PRKG1: variants seen among roughly 807,000 people sequenced by gnomAD.
The protein encoded by PRKG1 is protein kinase cGMP-dependent 1.
PRKG1 carries 35 observed loss-of-function variants against 88.1 expected under a neutral mutation model. That is an observed-to-expected ratio of 0.40 (90% CI 0.30 to 0.53). PRKG1 has a LOEUF of 0.53. Ranked by LOEUF, PRKG1 falls within the 20% of genes least tolerant of loss-of-function variation. The pLI is 0.59. For synonymous variants in PRKG1, 303 were observed against 292.5 expected (o/e 1.04, Z -0.37); for missense variants, 540 against 839.8 (o/e 0.64, Z 4.41).
At chr10:51,411,102 C>A (rs547393148) in intron 2 of PRKG1, among the ~76,000 whole-genome samples, 1 of 152,120 alleles carries the variant, frequency 6.6e-6, no homozygotes, top group Admixed American at 6.5e-5. Flanking sequence ...CAAGTTCAAG[C>A]GATTCTCCTG....
chr10:50,993,365 A>G (rs1842801413), intron 1 of PRKG1, among the ~76,000 whole-genome samples: 1 of 152,214 alleles, frequency 6.6e-6, no homozygotes, highest in Non-Finnish European at 1.5e-5. Flanking sequence ...CTTTGGGCCC[A>G]TCTTGCCTTG....
chr10:52,073,949 T>C (rs1199428613), intron 7 of PRKG1, among the ~76,000 whole-genome samples: 2 of 152,220 alleles, frequency 1.3e-5, no homozygotes, highest in Non-Finnish European at 2.9e-5. Context: ...ATCAAGATTA[T>C]TTAATAAACA....
intron 3 of PRKG1, among the ~76,000 whole-genome samples, chr10:51,708,957 A>C (rs1176249247): frequency 5.9e-5 from 9 of 152,158 alleles, no homozygotes; most frequent in Non-Finnish European, 1.0e-4. Context: ...AATTCCAAAA[A>C]TACTTTGGTG....
intron 3 of PRKG1, among the ~76,000 whole-genome samples, chr10:51,584,764 C>T (rs1838129256): frequency 6.6e-6 from 1 of 151,992 alleles, no homozygotes; most frequent in Non-Finnish European, 1.5e-5. Context: ...AAAATTGAGG[C>T]TCAGAGAAGG....
At chr10:52,027,099 A>G (rs1052807024) in intron 5 of PRKG1, among the ~76,000 whole-genome samples, 5 of 152,186 alleles carry the variant, frequency 3.3e-5, no homozygotes, top group East Asian at 3.8e-4. Context: ...CTATAACTCA[A>G]TCCATGGGAA....
intron 2 of PRKG1, among the ~76,000 whole-genome samples, chr10:51,168,683 G>T (rs1467914487): frequency 6.6e-6 from 1 of 152,050 alleles, no homozygotes; most frequent in Non-Finnish European, 1.5e-5. Context: ...TTAGTTTAAG[G>T]TTCAACATAT....
intron 9 of PRKG1, among the ~76,000 whole-genome samples, chr10:52,197,020 G>A (rs1183836073): frequency 2.0e-5 from 3 of 152,126 alleles, no homozygotes; most frequent in Non-Finnish European, 4.4e-5. Flanking sequence ...AAATGTGATG[G>A]AGATGCTCAC....
intron 17 of PRKG1, among the ~76,000 whole-genome samples, chr10:52,293,425 T>A (rs11001485): frequency 7.2e-5 from 11 of 151,912 alleles, no homozygotes; most frequent in Non-Finnish European, 1.5e-4. Flanking sequence ...AAAGTTCATA[T>A]GGAACCAAAA....
rs76802327 is a variant in PRKG1 at position 51,682,405 on chromosome 10, T to A, written c.593-122180T>A. On this transcript the variant is annotated intron_variant, in intron 3 of 17. Transcript: ENST00000373980. ...ATGCCTCCTTCTCTGGTAACAAATCTTCCTTGGAGTGTCTCTTTCCTCTTC... is the reference window on the plus strand; with the variant it reads ...ATGCCTCCTTCTCTGGTAACAAATCATCCTTGGAGTGTCTCTTTCCTCTTC... 4.0e-3 allele frequency among the ~76,000 whole-genome samples: 616 copies of A among 152,316 alleles called. 5 individuals carry two copies. The highest frequency in any genetic ancestry group is 6.9e-3 in the Non-Finnish European group (472 of 68,034).
chr10:51,034,671 TATATATATATATATA>T (rs1843330647), intron 1 of PRKG1, among the ~76,000 whole-genome samples: 102 of 44,414 alleles, frequency 2.3e-3, no homozygotes, highest in African/African-American at 2.9e-3. Context: ...ATGTTATTTA[TATATATATATATATA>T]TATATATATA....
intron 2 of PRKG1, among the ~76,000 whole-genome samples, chr10:51,266,318 T>C (rs887760985): frequency 1.3e-5 from 2 of 152,136 alleles, no homozygotes; most frequent in African/African-American, 4.8e-5. Context: ...ATGGGATTGA[T>C]TGAAAGGAGT....
chr10:51,895,485 A>G (rs1264009044), intron 4 of PRKG1, among the ~76,000 whole-genome samples: 1 of 151,888 alleles, frequency 6.6e-6, no homozygotes, highest in Non-Finnish European at 1.5e-5. Flanking sequence ...ATTTTGCCCA[A>G]CCCATGTCTG....
At chr10:51,049,111 C>A (rs564133278) in intron 1 of PRKG1, among the ~76,000 whole-genome samples, 1 of 152,300 alleles carries the variant, frequency 6.6e-6, no homozygotes, top group East Asian at 1.9e-4. Context: ...GCGTCCCACA[C>A]CGGCAATTAA....
At chr10:51,339,427 C>A (rs950602441) in intron 2 of PRKG1, among the ~76,000 whole-genome samples, 1 of 151,936 alleles carries the variant, frequency 6.6e-6, no homozygotes, top group Non-Finnish European at 1.5e-5. Context: ...AGAAATCATG[C>A]AATTTTCAAG....
chr10:51,381,256 T>TAAAAAAAAAAAAAAAAAAAAAAA (rs71029366), intron 2 of PRKG1, among the ~76,000 whole-genome samples: 8 of 32,058 alleles, frequency 2.5e-4, no homozygotes, highest in Admixed American at 6.3e-4. Context: ...GCCTCCATCT[T>TAAAAAAAAAAAAAAAAAAAAAAA]AAAAAAAAAA....
intron 3 of PRKG1, among the ~76,000 whole-genome samples, chr10:51,712,553 A>G (rs899828706): frequency 3.2e-5 from 4 of 126,470 alleles, no homozygotes; most frequent in South Asian, 2.6e-4. Context: ...TGTCTTTTTT[A>G]TAAATGTTGA....
chr10:51,387,525 T>A (rs1036659354), intron 2 of PRKG1, among the ~76,000 whole-genome samples: 1 of 152,052 alleles, frequency 6.6e-6, no homozygotes, highest in Admixed American at 6.6e-5. Context: ...GCAGGAATAG[T>A]TACTACCTGT....
intron 3 of PRKG1, among the ~76,000 whole-genome samples, chr10:51,609,536 C>T (rs1419099762): frequency 6.6e-6 from 1 of 152,090 alleles, no homozygotes; most frequent in Admixed American, 6.5e-5. Context: ...GATACATGCA[C>T]ACATATGTTC....
chr10:52,280,592 C>A (rs994641690), intron 12 of PRKG1, among the ~76,000 whole-genome samples, 197 bp from the exon 13 acceptor site: 2 of 151,982 alleles, frequency 1.3e-5, no homozygotes, highest in African/African-American at 4.8e-5. Context: ...TTCATAAAGA[C>A]AGAGAATTCC....
Sources: gnomAD v4.1 joint callset for allele counts (sites outside exome capture counted in the v4.1 genomes callset) on GRCh38, gnomAD v4.1.1 for gene constraint, MANE v1.5 for transcripts, NCBI Gene and HGNC (gene_info 2026-07-23, HGNC 2026-07-21) for gene names.